GYPE: variants seen among roughly 807,000 people sequenced by gnomAD.
GYPE encodes glycophorin-E.
A neutral mutation model predicts 11.6 loss-of-function variants in GYPE; 8 were observed. The observed-to-expected ratio is 0.69, with a 90% confidence interval of 0.41 to 1.25. GYPE has a LOEUF of 1.25. Among genes scored for constraint, GYPE ranks in the 50% most tolerant of loss-of-function variants. The pLI, the probability that GYPE is intolerant of heterozygous loss-of-function variation, is 0.01. For missense variants in GYPE, 90 were observed against 92.8 expected (o/e 0.97, Z 0.12); for synonymous variants, 28 against 29.6 (o/e 0.94, Z 0.18).
chr4:143,895,377 G>T (rs1166668307), intron 1 of GYPE, among the ~76,000 whole-genome samples: 2 of 152,032 alleles, frequency 1.3e-5, no homozygotes, highest in East Asian at 1.9e-4. Context: ...CAAACAGAGA[G>T]CCAAATCATG....
chr4:143,887,824 T>G (rs1484099302), intron 1 of GYPE, among the ~76,000 whole-genome samples: 1 of 145,840 alleles, frequency 6.9e-6, no homozygotes, highest in Non-Finnish European at 1.5e-5. Context: ...GTTTTTCAGT[T>G]TTCAGGCACT....
At chr4:143,883,093 A>G (rs1744099013) in intron 1 of GYPE, among the ~76,000 whole-genome samples, 1 of 152,058 alleles carries the variant, frequency 6.6e-6, no homozygotes, top group Non-Finnish European at 1.5e-5. Flanking sequence ...CTGGTTTCTC[A>G]TGGCTTAACA....
At chr4:143,875,463 G>C (rs1743759125) in intron 3 of GYPE, 1 of 1,550,912 alleles carries the variant, frequency 6.4e-7, no homozygotes, top group Non-Finnish European at 8.7e-7. Context: ...AGCAGGTGCA[G>C]CTGGTTCTAG....
At chr4:143,875,281 T>G (rs572016655) in intron 3 of GYPE, 1 of 603,674 alleles carries the variant, frequency 1.7e-6, no homozygotes, top group African/African-American at 1.9e-5. Flanking sequence ...AAACATAGCT[T>G]GAAATAACAA....
intron 2 of GYPE, chr4:143,878,640 T>TTG: frequency 2.1e-6 from 1 of 481,822 alleles, no homozygotes; most frequent in Non-Finnish European, 4.3e-6. Flanking sequence ...TTAACATATC[T>TTG]GCTTCAGGGA....
At chr4:143,876,933 A>G in intron 2 of GYPE, 78 bp from the exon 3 acceptor site, 1 of 785,966 alleles carries the variant, frequency 1.3e-6, no homozygotes, top group Non-Finnish European at 2.3e-6. Context: ...ATAAGATAAC[A>G]TCAGCATAAC....
At chr4:143,902,582 T>A (rs1744908376) in intron 1 of GYPE, among the ~76,000 whole-genome samples, 2 of 147,558 alleles carry the variant, frequency 1.4e-5, no homozygotes, top group African/African-American at 5.4e-5. Context: ...CTCTCCATCC[T>A]CTCTTCTTTC....
At chr4:143,879,999 C>A (rs925609365) in intron 2 of GYPE, among the ~76,000 whole-genome samples, 3 of 151,974 alleles carry the variant, frequency 2.0e-5, no homozygotes, top group Non-Finnish European at 4.4e-5. Flanking sequence ...TGTTATTGGC[C>A]CCATTTTAAA....
intron 3 of GYPE, among the ~76,000 whole-genome samples, chr4:143,876,239 G>A (rs1743804338): frequency 6.6e-6 from 1 of 151,962 alleles, no homozygotes; most frequent in Admixed American, 6.6e-5. Flanking sequence ...TCAGCCCCCT[G>A]AGTGGCTGAT....
At chr4:143,878,458 G>T (rs903979406) in intron 2 of GYPE, among the ~76,000 whole-genome samples, 1 of 152,142 alleles carries the variant, frequency 6.6e-6, no homozygotes, top group Non-Finnish European at 1.5e-5. Context: ...TTAAAAATAA[G>T]AAATGCCTAT....
intron 1 of GYPE, among the ~76,000 whole-genome samples, chr4:143,884,876 G>A (rs1308990204): frequency 3.1e-5 from 3 of 98,358 alleles, no homozygotes; most frequent in African/African-American, 7.5e-5. Flanking sequence ...AAATGCTGTG[G>A]GCCATGTTCT....
At chr4:143,892,614 G>A (rs1031818135) in intron 1 of GYPE, among the ~76,000 whole-genome samples, 7 of 152,028 alleles carry the variant, frequency 4.6e-5, no homozygotes, top group Non-Finnish European at 1.0e-4. Context: ...ATGTAGTTGA[G>A]CGGTTTTGAG....
At position 143,876,271 on chromosome 4, in the gene GYPE, G is replaced by A. The variant is rs150056349; in HGVS notation, c.*9+475C>T. ...TGATACTACACGTGTGCACCACCAC[G>A]CCTTTCTAATTTTCATATTTTTTGT... On this transcript the variant is annotated intron_variant, in intron 3 of 3. Transcript: ENST00000358615. Among the ~76,000 whole-genome samples the A allele has an allele frequency of 7.9e-3, 1,205 of 152,082 alleles. 25 individuals are homozygous for A. The highest frequency in any genetic ancestry group is 0.027 in the African/African-American group (1,122 of 41,466).
chr4:143,895,050 T>C (rs1455006593), intron 1 of GYPE, among the ~76,000 whole-genome samples: 2 of 152,148 alleles, frequency 1.3e-5, no homozygotes, highest in Non-Finnish European at 2.9e-5. Context: ...GCCAATATCA[T>C]ACTGAATGGG....
At position 143,876,849 on chromosome 4, in the gene GYPE, G is replaced by A. The variant is rs561685576; in HGVS notation, c.143C>T (p.Thr48Ile). ...SYISSQTNGI[T>I]LINWWAMARV... ...AGCCATCGCCCACCAATTAATGAGT[G>A]TTATCCCTACAGGAGATAAAGAGAG... The change falls in exon 3 of 4, where the codon ACA becomes ATA. Residue 48 changes from threonine to isoleucine, a missense_variant. By Grantham distance (89) the Thr-to-Ile change is moderately conservative. Transcript: ENST00000358615. The A allele has an allele frequency of 5.6e-6, 9 of 1,597,074 alleles. No individual in the cohort carries two copies. The South Asian group carries it at 1.0e-4, about 18-fold the overall frequency.
chr4:143,882,677 C>T (rs1161753534), intron 1 of GYPE, among the ~76,000 whole-genome samples: 1 of 152,168 alleles, frequency 6.6e-6, no homozygotes, highest in South Asian at 2.1e-4. Context: ...TCATCCTTCA[C>T]TCAGGTGTGC....
intron 1 of GYPE, among the ~76,000 whole-genome samples, chr4:143,894,993 A>T (rs538726167): frequency 6.6e-6 from 1 of 152,212 alleles, no homozygotes; most frequent in Non-Finnish European, 1.5e-5. Flanking sequence ...TTAGGTATTG[A>T]TGGGATGTAT....
At chr4:143,902,735 C>T (rs960352188) in intron 1 of GYPE, among the ~76,000 whole-genome samples, 5 of 152,026 alleles carry the variant, frequency 3.3e-5, no homozygotes, top group Admixed American at 1.3e-4. Context: ...TGGGGATACA[C>T]GGCTGAATAA....
At chr4:143,900,470 A>C (rs1411984569) in intron 1 of GYPE, among the ~76,000 whole-genome samples, 3 of 132,656 alleles carry the variant, frequency 2.3e-5, no homozygotes, top group African/African-American at 5.5e-5. Context: ...GGGTTCAAAC[A>C]AAACTAGTAC....
Sources: allele counts gnomAD v4.1 joint callset (sites outside exome capture counted in the v4.1 genomes callset), GRCh38; gene constraint gnomAD v4.1.1; transcripts MANE v1.5; gene names NCBI Gene and HGNC (gene_info 2026-07-23, HGNC 2026-07-21).